The following SURF1 variants were observed in gnomAD, a reference collection of about 807,000 sequenced individuals.
SURF1 encodes surfeit locus protein 1.
Under a neutral mutation model 34.1 loss-of-function variants are expected in SURF1, and 45 were observed. That is an observed-to-expected ratio of 1.32 (90% CI 1.04 to 1.69). SURF1 has a LOEUF of 1.69. Ranked by LOEUF, SURF1 falls within the 40% of genes most tolerant of loss-of-function variation. The pLI, the probability that SURF1 is intolerant of heterozygous loss-of-function variation, is 0.00. For synonymous variants in SURF1, 188 were observed against 147.5 expected, an observed-to-expected ratio of 1.27 and a Z score of -1.99; for missense variants, 456 against 384.6, an observed-to-expected ratio of 1.19 and a Z score of -1.55.
rs1169550986 is a variant in SURF1, at chr9:133,356,444, C to T, written c.10G>A (p.Val4Met). 1.4e-5 allele frequency: 20 copies of T among 1,418,854 alleles called. No homozygotes were observed. The highest frequency in any genetic ancestry group is 2.5e-4 in the Middle Eastern group (1 of 4,020). 87.9% of individuals were successfully genotyped at this position (1,418,854 alleles called of 1,614,324 possible). A position where few individuals can be genotyped will look rare whatever the true frequency, so the allele number is the denominator to read the frequency against. Residue 4 changes from valine (V) to methionine (M), a missense_variant, in exon 1 of 9, where the codon GTG (valine) becomes ATG (methionine). Val to Met is a conservative substitution (Grantham distance 21, BLOSUM62 1). Coordinates refer to ENST00000371974, the MANE Select transcript of SURF1 (RefSeq NM_003172.4). MAA[V>M]AALQLGLRAA... ...CGCAGCCCCAGCTGCAACGCAGCCACCGCCGCCATCGCACCCGGCCCCGCG... is the reference window on the plus strand; with the variant it reads ...CGCAGCCCCAGCTGCAACGCAGCCATCGCCGCCATCGCACCCGGCCCCGCG...
Position 133,352,072 on chromosome 9 carries a change from G to A in SURF1, c.822C>T (p.Tyr274=), listed in dbSNP as rs1836430239. ...CGCTGGGGACTCACCAGGTCACGAT[G>A]TACTGCAGATGCTCGTTCCTCAGAG... ...RVTLRNEHLQ[Y]IVTWYGLSAA... Residue 274 remains tyrosine, a synonymous_variant, in exon 8 of 9, where the codon TAC becomes TAT. Transcript: ENST00000371974. 1.2e-6 allele frequency: 2 copies of A among 1,611,716 alleles called. No individual in the cohort carries two copies. Among genetic ancestry groups the A allele is most frequent in the South Asian group, 2.2e-5 (2 of 90,560 alleles).
At position 133,352,777 on chromosome 9, in the gene SURF1, G is replaced by A. The variant is rs2130010133; in HGVS notation, c.516-11C>T. The A allele has an allele frequency of 4.2e-5, 68 of 1,607,604 alleles. No homozygotes were observed. Among genetic ancestry groups the A allele is most frequent in the Non-Finnish European group, 5.6e-5 (66 of 1,177,394 alleles). On this transcript the variant is annotated splice_polypyrimidine_tract_variant and intron_variant, in intron 5 of 8. Transcript: ENST00000371974. The stretch of plus-strand genomic sequence containing the variant: ...ACCAGGATGGTGACTCTAGGGTAAT[G>A]AAAGTGCTACTTCAGGTGGGGAGGG...
chr9:133,354,605 C>T (rs1056982511), intron 4 of SURF1, 54 bp downstream of exon 4: 1 of 1,594,660 alleles, frequency 6.3e-7, no homozygotes, highest in Non-Finnish European at 8.6e-7. Context: ...GAAGCCAGGG[C>T]TCTGCTGTTG....
Position 133,356,401 on chromosome 9 carries a change from C to T in SURF1, c.53G>A (p.Arg18Gln), listed in dbSNP as rs1759990258. The change falls in exon 1 of 9, where the codon CGG becomes CAG. Residue 18 changes from arginine (R) to glutamine (Q), a missense_variant and splice_region_variant. By Grantham distance (43) the Arg-to-Gln change is conservative. Coordinates refer to ENST00000371974, the MANE Select transcript of SURF1 (RefSeq NM_003172.4). Reference sequence around the variant, plus strand: ...CCGCACCCCGCACCCGGCGCTCACCCGTCCCAGCCCCGCCGCCCGCAGCCC... The same window carrying T: ...CCGCACCCCGCACCCGGCGCTCACCTGTCCCAGCCCCGCCGCCCGCAGCCC... ...QLGLRAAGLG[R>Q]APASAAWRSV... is the part of the protein sequence containing the mutation. 4.0e-6 allele frequency: 3 copies of T among 742,618 alleles called. No individual in the cohort carries two copies. The highest frequency in any genetic ancestry group is 6.8e-5 in the South Asian group (2 of 29,620). The allele number at this position is 742,618 out of a possible 1,614,324, so 46.0% of individuals were successfully genotyped here.
chr9:133,354,660 C>G lies in SURF1; in HGVS notation c.322G>C (p.Asp108His), dbSNP rs863224226. 6.2e-7 allele frequency: 1 copy of G among 1,612,580 alleles called. No homozygotes were observed. The highest frequency in any genetic ancestry group is 8.5e-7 in the Non-Finnish European group (1 of 1,180,024). The change falls in exon 4 of 9, where the codon GAC becomes CAC. Residue 108 changes from aspartate to histidine, a missense_variant and splice_region_variant. Coordinates refer to ENST00000371974, the MANE Select transcript of SURF1 (RefSeq NM_003172.4). Reference sequence around the variant, plus strand: ...CTAGGGGGGCAGCCATGCACTCACTCGGCTGGCAGAGGGACAGGCTCAGCC... The same window carrying G: ...CTAGGGGGGCAGCCATGCACTCACTGGGCTGGCAGAGGGACAGGCTCAGCC... ...VLAEPVPLPA[D>H]PMELKNLEYR...
At chr9:133,354,555 G>A in intron 4 of SURF1, 104 bp downstream of exon 4, 1 of 1,350,402 alleles carries the variant, frequency 7.4e-7, no homozygotes, top group African/African-American at 1.4e-5. Context: ...GGTCAAGGCA[G>A]TGACTAAAAG....
Position 133,352,756 on chromosome 9 carries a change from G to C in SURF1, c.526C>G (p.Leu176Val). 1 of 1,611,484 alleles carries C rather than the reference G, an allele frequency of 6.2e-7. No individual in the cohort carries two copies. ...CTGGGAACGAACCCTCTATTTACCA[G>C]GATGGTGACTCTAGGGTAATGAAAG... The part of the protein sequence containing the change: ...FHCTDLGVTI[L>V]VNRGFVPRKK... Residue 176 changes from leucine to valine, a missense_variant, in exon 6 of 9, where the codon CTG becomes GTG. Coordinates refer to ENST00000371974, the MANE Select transcript of SURF1 (RefSeq NM_003172.4).
At chr9:133,354,001 G>A (rs2130015986) in intron 4 of SURF1, 61 bp from the exon 5 acceptor site, 1 of 1,598,150 alleles carries the variant, frequency 6.3e-7, no homozygotes, top group East Asian at 2.2e-5. Flanking sequence ...TCCCCTGAGG[G>A]TGGCAGACTA....
chr9:133,353,833 C>A lies in SURF1; in HGVS notation c.431G>T (p.Arg144Leu). 1 of 1,613,822 alleles carries A rather than the reference C, an allele frequency of 6.2e-7. No homozygotes were observed. Among genetic ancestry groups the A allele is most frequent in the Non-Finnish European group, 8.5e-7 (1 of 1,180,028 alleles). The change falls in exon 5 of 9, where the codon CGG becomes CTG. Residue 144 changes from arginine (R) to leucine (L), a missense_variant. By Grantham distance (102) the Arg-to-Leu change is moderately radical. Transcript: ENST00000371974. Reference protein sequence around the residue: ...MMPRTMVDPVREAREGGLISS... With the variant: ...MMPRTMVDPVLEAREGGLISS... Reference sequence around the variant, plus strand: ...GATGAGGCCGCCCTCCCGGGCCTCCCGGACAGGGTCCACCATGGTCCGGGG... The same window carrying A: ...GATGAGGCCGCCCTCCCGGGCCTCCAGGACAGGGTCCACCATGGTCCGGGG...
rs141425824 is a variant in SURF1 at position 133,354,661 on chromosome 9, G to A, written c.321C>T (p.Ala107=). The change falls in exon 4 of 9, where the codon GCC becomes GCT. Residue 107 remains alanine (A), a splice_region_variant and synonymous_variant. Coordinates refer to ENST00000371974, the MANE Select transcript of SURF1 (RefSeq NM_003172.4). ...TAGGGGGGCAGCCATGCACTCACTC[G>A]GCTGGCAGAGGGACAGGCTCAGCCA... ...RVLAEPVPLP[A]DPMELKNLEY... The A allele has an allele frequency of 1.7e-4, 268 of 1,610,838 alleles. No individual in the cohort carries two copies. The highest frequency in any genetic ancestry group is 2.2e-4 in the Non-Finnish European group (257 of 1,178,206).
In SURF1 at chr9:133,354,740, A is replaced by T. The variant is rs1836522383; in HGVS notation, c.242T>A (p.Val81Asp). The change falls in exon 4 of 9, where the codon GTC becomes GAC. Residue 81 changes from valine to aspartate, a missense_variant and splice_region_variant. Val to Asp is a radical substitution (Grantham distance 152). Coordinates refer to ENST00000371974, the MANE Select transcript of SURF1 (RefSeq NM_003172.4). ...VTAFGLGTWQ[V>D]QRRKWKLNLI... ...GTTCAGCTTCCACTTCCGACGCTGG[A>T]CCTACAGTGACAGAGCATAAGGCCA... is the stretch of plus-strand genomic sequence containing the variant. 2.5e-6 allele frequency: 4 copies of T among 1,613,654 alleles called. No individual in the cohort carries two copies. Among genetic ancestry groups the T allele is most frequent in the African/African-American group, 1.3e-5 (1 of 75,020 alleles).
Position 133,352,746 on chromosome 9 carries a change from C to CT in SURF1, c.535dup (p.Arg179LysfsTer12), listed in dbSNP as rs1836465016. 1 of 1,612,222 alleles carries CT rather than the reference C, an allele frequency of 6.2e-7. No homozygotes were observed. Among genetic ancestry groups the CT allele is most frequent in the Non-Finnish European group, 8.5e-7 (1 of 1,179,492 alleles). ...CACTTTCTTCCTGGGAACGAACCCTCTATTTACCAGGATGGTGACTCTAGG... is the reference window on the plus strand; with the variant it reads ...CACTTTCTTCCTGGGAACGAACCCTCTTATTTACCAGGATGGTGACTCTAGG... On this transcript the variant is annotated frameshift_variant, in exon 6 of 9. Transcript: ENST00000371974. LOFTEE classifies it high-confidence loss of function.
intron 4 of SURF1, chr9:133,354,167 G>A (rs1836508709): frequency 1.6e-6 from 1 of 609,884 alleles, no homozygotes; most frequent in South Asian, 1.9e-5. Flanking sequence ...AATATTTTAT[G>A]TGAAATTTTA....
rs1036443876 is a variant in SURF1, at chr9:133,352,050, T to C, written c.833+11A>G. On this transcript the variant is annotated intron_variant, in intron 8 of 8. Coordinates refer to ENST00000371974, the MANE Select transcript of SURF1 (RefSeq NM_003172.4). ...GAAGGGGAGGAAGCCAGAGGGCCGCTGGGGACTCACCAGGTCACGATGTAC... is the reference window on the plus strand; with the variant it reads ...GAAGGGGAGGAAGCCAGAGGGCCGCCGGGGACTCACCAGGTCACGATGTAC... 4 of 1,612,222 alleles carry C rather than the reference T, an allele frequency of 2.5e-6. No individual in the cohort carries two copies. In the African/African-American group the frequency reaches 5.3e-5, roughly 21 times the overall value.
At chr9:133,352,996 T>G (rs2130011362) in intron 5 of SURF1, among the ~76,000 whole-genome samples, 15 of 152,228 alleles carry the variant, frequency 9.9e-5, no homozygotes, top group Non-Finnish European at 1.6e-4. Flanking sequence ...TTTACCAGTG[T>G]GGCTTTCCCC....
At chr9:133,353,598 G>T in intron 5 of SURF1, 151 bp downstream of exon 5, 1 of 871,138 alleles carries the variant, frequency 1.1e-6, no homozygotes, top group Non-Finnish European at 1.9e-6. Context: ...CACAATTAGG[G>T]ACTTAAACTA....
At chr9:133,353,970 A>T in intron 4 of SURF1, 30 bp from the exon 5 acceptor site, 1 of 1,613,420 alleles carries the variant, frequency 6.2e-7, no homozygotes, top group South Asian at 1.1e-5. Context: ...GTGGCCGAGC[A>T]AGGTTTGGCT....
At position 133,354,654 on chromosome 9, in the gene SURF1, C is replaced by G; in HGVS notation, c.323+5G>C. The G allele has an allele frequency of 1.2e-6, 2 of 1,612,548 alleles. No homozygotes were observed. Among genetic ancestry groups the G allele is most frequent in the Non-Finnish European group, 1.7e-6 (2 of 1,180,004 alleles). On this transcript the variant is annotated splice_donor_5th_base_variant and intron_variant, in intron 4 of 8. Transcript: ENST00000371974. ...CAGGCCCTAGGGGGGCAGCCATGCA[C>G]TCACTCGGCTGGCAGAGGGACAGGC...
In SURF1 at chr9:133,352,057, T is replaced by C; in HGVS notation, c.833+4A>G. 1 of 1,611,960 alleles carries C rather than the reference T, an allele frequency of 6.2e-7. No homozygotes were observed. Among genetic ancestry groups the C allele is most frequent in the Non-Finnish European group, 8.5e-7 (1 of 1,179,088 alleles). On this transcript the variant is annotated splice_donor_region_variant and intron_variant, in intron 8 of 8. Coordinates refer to ENST00000371974, the MANE Select transcript of SURF1 (RefSeq NM_003172.4). ...AGGAAGCCAGAGGGCCGCTGGGGAC[T>C]CACCAGGTCACGATGTACTGCAGAT...
Sources: gnomAD v4.1 joint callset for allele counts (sites outside exome capture counted in the v4.1 genomes callset) on GRCh38, gnomAD v4.1.1 for gene constraint, MANE v1.5 for transcripts, NCBI Gene and HGNC (gene_info 2026-07-23, HGNC 2026-07-21) for gene names.